The following WNK1 variants were observed in gnomAD, a reference collection of about 807,000 sequenced individuals.
WNK1 encodes serine/threonine-protein kinase WNK1.
In WNK1, 38 loss-of-function variants were observed where a neutral mutation model predicts 222.8. That is an observed-to-expected ratio of 0.17 (90% CI 0.13 to 0.22). The LOEUF (loss-of-function observed/expected upper bound fraction) is 0.22, where lower values mean the gene tolerates loss of function less well. Among genes scored for constraint, WNK1 ranks in the 10% least tolerant of loss-of-function variants. The pLI is 1.00. For missense variants in WNK1, 2,348 were observed against 2,918.4 expected, an observed-to-expected ratio of 0.80 and a Z score of 4.50; for synonymous variants, 1,090 against 1,092.9, an observed-to-expected ratio of 1.00 and a Z score of 0.05.
At chr12:755,515 T>G (rs1195808127) in intron 1 of WNK1, among the ~76,000 whole-genome samples, 1 of 152,150 alleles carries the variant, frequency 6.6e-6, no homozygotes, top group African/African-American at 2.4e-5. Flanking sequence ...TTTACAAACA[T>G]AATCATTTCT....
rs1057376800 is a variant in WNK1 at position 909,884 on chromosome 12, G to C, written c.*1092G>C. On this transcript the variant is annotated 3_prime_UTR_variant, in exon 28 of 28. Coordinates refer to ENST00000315939, the MANE Select transcript of WNK1 (RefSeq NM_018979.4). ...TTTGTCTAGAGCAGGTGTAAGATGA[G>C]TAGGGTGGGAAGTTAGGTTGGCATC... 1.3e-5 allele frequency: 2 copies of C among 152,222 alleles called. No homozygotes were observed. The highest frequency in any genetic ancestry group is 2.9e-5 in the Non-Finnish European group (2 of 68,040). The allele number at this position is 152,222 out of a possible 1,614,324, so 9.4% of individuals were successfully genotyped here. A position where few individuals can be genotyped will look rare whatever the true frequency, so the allele number is the denominator to read the frequency against.
intron 1 of WNK1, among the ~76,000 whole-genome samples, chr12:773,007 C>G (rs544283346): frequency 7.2e-5 from 11 of 152,184 alleles, no homozygotes; most frequent in African/African-American, 2.6e-4. Flanking sequence ...CACCTGTAAT[C>G]CAGCACTTTG....
intron 20 of WNK1, among the ~76,000 whole-genome samples, chr12:888,259 C>A (rs1298219416): frequency 6.6e-6 from 1 of 152,134 alleles, no homozygotes; most frequent in Non-Finnish European, 1.5e-5. Context: ...GAGGAACTTG[C>A]CACAATGAAG....
At chr12:848,496 CTTTTTTTT>C (rs10644583) in intron 4 of WNK1, among the ~76,000 whole-genome samples, 7 of 99,260 alleles carry the variant, frequency 7.1e-5, no homozygotes, top group South Asian at 7.6e-4. Context: ...CCAGTAAAAA[CTTTTTTTT>C]TTTTTTTTTT....
chr12:853,611 GT>G (rs1424921781), intron 4 of WNK1, among the ~76,000 whole-genome samples: 2 of 152,142 alleles, frequency 1.3e-5, no homozygotes, highest in African/African-American at 2.4e-5. Flanking sequence ...GTCTTTTATT[GT>G]TAAATGTTTT....
intron 1 of WNK1, among the ~76,000 whole-genome samples, chr12:770,385 T>G (rs1429594178): frequency 6.6e-6 from 1 of 152,228 alleles, no homozygotes; most frequent in African/African-American, 2.4e-5. Flanking sequence ...AAATTTAGTA[T>G]GAAAAAGAAA....
chr12:765,675 A>G (rs1182101974), intron 1 of WNK1, among the ~76,000 whole-genome samples: 1 of 152,168 alleles, frequency 6.6e-6, no homozygotes, highest in Non-Finnish European at 1.5e-5. Context: ...TCATACTTCT[A>G]ATCTCAGCAC....
chr12:891,320 TAG>T (rs975886824), intron 22 of WNK1, among the ~76,000 whole-genome samples: 1 of 152,174 alleles, frequency 6.6e-6, no homozygotes, highest in Non-Finnish European at 1.5e-5. Context: ...GTATTTTTAG[TAG>T]AGACAGGGTT....
chr12:792,785 A>T (rs1413110764), intron 1 of WNK1, among the ~76,000 whole-genome samples: 1 of 152,094 alleles, frequency 6.6e-6, no homozygotes, highest in Non-Finnish European at 1.5e-5. Flanking sequence ...ATGTATTTCC[A>T]ATTCTTCATG....
intron 8 of WNK1, among the ~76,000 whole-genome samples, chr12:866,761 A>G (rs1210160457): frequency 6.6e-6 from 1 of 152,240 alleles, no homozygotes; most frequent in African/African-American, 2.4e-5. Flanking sequence ...AGTGCTATCA[A>G]ATAAAATTGG....
At chr12:872,053 A>G (rs1162658667) in intron 9 of WNK1, among the ~76,000 whole-genome samples, 1 of 152,196 alleles carries the variant, frequency 6.6e-6, no homozygotes, top group East Asian at 1.9e-4. Flanking sequence ...CTGTAGAATG[A>G]TGTGTCAGAT....
At chr12:807,245 G>T (rs879434219) in intron 1 of WNK1, among the ~76,000 whole-genome samples, 1 of 151,528 alleles carries the variant, frequency 6.6e-6, no homozygotes, top group Non-Finnish European at 1.5e-5. Flanking sequence ...ATCACTTGAG[G>T]CCAGGAATTC....
At chr12:883,888 G>A in intron 17 of WNK1, 57 bp downstream of exon 17, 1 of 1,594,290 alleles carries the variant, frequency 6.3e-7, no homozygotes, top group South Asian at 1.1e-5. Flanking sequence ...ATTAGCCGAG[G>A]GTGGTGGCAG....
chr12:879,720 G>A lies in WNK1; in HGVS notation c.2521G>A (p.Val841Ile), dbSNP rs772490082. 1.2e-5 allele frequency: 19 copies of A among 1,613,638 alleles called. No homozygotes were observed. The highest frequency in any genetic ancestry group is 1.4e-5 in the Non-Finnish European group (17 of 1,179,954). Residue 841 changes from valine (V) to isoleucine (I), a missense_variant, in exon 11 of 28, where the codon GTC (valine) becomes ATC (isoleucine). This residue lies in a region of WNK1 where 547 missense variants were observed against 558.3 expected (regional missense o/e 0.98). Transcript: ENST00000315939. ...TACTCCCTTGCTCCCTCAGTACCCT[G>A]TCTCTCAGATTCCCATATCAACTCC... ...LPTPLLPQYP[V>I]SQIPISTPHV...
chr12:755,428 G>C (rs935363341), intron 1 of WNK1, among the ~76,000 whole-genome samples: 2 of 152,112 alleles, frequency 1.3e-5, no homozygotes, highest in African/African-American at 4.8e-5. Context: ...TTGAATGTCA[G>C]GTTCCAAATA....
In WNK1 at chr12:761,568, T is replaced by C. The variant is rs189492999; in HGVS notation, c.759+7244T>C. On this transcript the variant is annotated intron_variant, in intron 1 of 27. Transcript: ENST00000315939. ...TTTTTGTCAGTAGATACGTGGTAGA[T>C]GGTCTAGTTAACCAAACACACACTA... Among the ~76,000 whole-genome samples, 110 of 148,126 alleles carry C rather than the reference T, an allele frequency of 7.4e-4. 10 individuals carry two copies. The highest frequency in any genetic ancestry group is 6.8e-3 in the Admixed American group (101 of 14,924).
At chr12:826,785 A>G (rs923859183) in intron 2 of WNK1, among the ~76,000 whole-genome samples, 4 of 152,216 alleles carry the variant, frequency 2.6e-5, no homozygotes, top group South Asian at 2.1e-4. Context: ...TTAAGAAAAA[A>G]CTAGTTACCT....
In WNK1 at chr12:887,207, T is replaced by A; in HGVS notation, c.5281-14T>A. The A allele has an allele frequency of 6.2e-7, 1 of 1,614,074 alleles. No individual in the cohort carries two copies. The highest frequency in any genetic ancestry group is 1.1e-5 in the South Asian group (1 of 91,084). On this transcript the variant is annotated splice_polypyrimidine_tract_variant and intron_variant, in intron 19 of 27. Transcript: ENST00000315939. Reference sequence around the variant, plus strand: ...AGCGTCTCACGGACTTGATTTTCCCTTTGTTGTCTGTAGGTGCTGCCAGTG... The same window carrying A: ...AGCGTCTCACGGACTTGATTTTCCCATTGTTGTCTGTAGGTGCTGCCAGTG...
rs761958967 is a variant in WNK1 at position 881,962 on chromosome 12, A to G, written c.3261A>G (p.Pro1087=). The stretch of plus-strand genomic sequence containing the variant: ...TGAGTGATGGCAATGAGAACGTCCC[A>G]TCTTCCAGTGGAAGGCATGAAGGAA... The part of the protein sequence containing the change: ...SGMSDGNENV[P]SSSGRHEGRT... The change falls in exon 14 of 28, where the codon CCA becomes CCG. Residue 1087 remains proline (P), a synonymous_variant. Transcript: ENST00000315939. The G allele has an allele frequency of 6.2e-7, 1 of 1,614,098 alleles. No individual in the cohort carries two copies. Among genetic ancestry groups the G allele is most frequent in the African/African-American group, 1.3e-5 (1 of 74,918 alleles).
Sources: gnomAD v4.1 joint callset for allele counts (sites outside exome capture counted in the v4.1 genomes callset) on GRCh38, gnomAD v4.1.1 for gene constraint, gnomAD v4.1.1 regional missense constraint, MANE v1.5 for transcripts, NCBI Gene and HGNC (gene_info 2026-07-23, HGNC 2026-07-21) for gene names.